The following CSMD1 variants were observed in gnomAD, a reference collection of about 807,000 sequenced individuals.
CSMD1 encodes CUB and Sushi multiple domains 1, also known as CUB and sushi domain-containing protein 1.
Under a neutral mutation model 417.5 loss-of-function variants are expected in CSMD1, and 213 were observed. The ratio of observed to expected loss-of-function variants is 0.51; its 90% CI spans 0.46 to 0.57. The LOEUF is 0.57. CSMD1 is among the 20% of genes least tolerant of loss of function. The pLI is 0.00. For missense variants in CSMD1, 6,923 were observed against 4,529.7 expected (o/e 1.53, Z -15.17); for synonymous variants, 2,862 against 1,736.8 (o/e 1.65, Z -16.11).
chr8:4,737,081 A>C (rs1185325022), intron 1 of CSMD1, among the ~76,000 whole-genome samples: 2 of 152,182 alleles, frequency 1.3e-5, no homozygotes, highest in African/African-American at 4.8e-5. Flanking sequence ...CATGTAATCA[A>C]CCTACATGCC....
Position 4,854,645 on chromosome 8 carries a change from G to A in CSMD1, c.85+139687C>T, listed in dbSNP as rs573703608. Among the ~76,000 whole-genome samples, 3 of 152,140 alleles carry A rather than the reference G, an allele frequency of 2.0e-5. No homozygotes were observed. In the South Asian group the frequency reaches 6.2e-4, roughly 31 times the overall value. Reference sequence around the variant, plus strand: ...AGTTCCCTTTCTGAGTCAAAGAAAGGGGTGACGGACAGCACCTGGAAAATC... The same window carrying A: ...AGTTCCCTTTCTGAGTCAAAGAAAGAGGTGACGGACAGCACCTGGAAAATC... On this transcript the variant is annotated intron_variant, in intron 1 of 69. Transcript: ENST00000635120.
At chr8:4,924,722 C>CAAAAAAAAAAAAAAAAAAAAAAAAAAAA (rs60827201) in intron 1 of CSMD1, among the ~76,000 whole-genome samples, 1 of 62,546 alleles carries the variant, frequency 1.6e-5, no homozygotes, top group Admixed American at 2.3e-4. Context: ...AACTCCATCT[C>CAAAAAAAAAAAAAAAAAAAAAAAAAAAA]AAAAAAAAAA....
At chr8:3,634,641 G>C (rs1796943016) in intron 7 of CSMD1, among the ~76,000 whole-genome samples, 1 of 152,078 alleles carries the variant, frequency 6.6e-6, no homozygotes, top group Non-Finnish European at 1.5e-5. Context: ...CTTAACTCGA[G>C]AGTGGTACTG....
chr8:4,787,072 G>C (rs1797437965), intron 1 of CSMD1, among the ~76,000 whole-genome samples: 1 of 152,178 alleles, frequency 6.6e-6, no homozygotes, highest in Admixed American at 6.5e-5. Flanking sequence ...TCTAATATTA[G>C]ATCTAATTAC....
chr8:4,291,515 C>A (rs180721875), intron 3 of CSMD1, among the ~76,000 whole-genome samples: 1 of 151,954 alleles, frequency 6.6e-6, no homozygotes, highest in Non-Finnish European at 1.5e-5. Context: ...CACTTGTTTT[C>A]GGAAAGTACA....
intron 1 of CSMD1, among the ~76,000 whole-genome samples, chr8:4,918,541 A>G (rs1000937414): frequency 1.3e-5 from 2 of 152,200 alleles, no homozygotes; most frequent in African/African-American, 2.4e-5. Context: ...GTGAAAAAAA[A>G]AGCCAATTTC....
chr8:3,927,472 C>T (rs964212766), intron 5 of CSMD1, among the ~76,000 whole-genome samples: 6 of 151,836 alleles, frequency 4.0e-5, no homozygotes, highest in African/African-American at 1.2e-4. Flanking sequence ...TGGGACCACC[C>T]TGGCCAACAT....
At chr8:4,600,195 C>T (rs1278870204) in intron 2 of CSMD1, among the ~76,000 whole-genome samples, 1 of 148,792 alleles carries the variant, frequency 6.7e-6, no homozygotes, top group East Asian at 2.0e-4. Flanking sequence ...ATGTCAAATA[C>T]ATTTCCATAT....
At chr8:4,174,001 C>A (rs529377237) in intron 3 of CSMD1, among the ~76,000 whole-genome samples, 13 of 152,226 alleles carry the variant, frequency 8.5e-5, no homozygotes, top group Admixed American at 7.8e-4. Context: ...TGTGACCATG[C>A]CTGGATCAAT....
At position 4,932,392 on chromosome 8, in the gene CSMD1, G is replaced by C. The variant is rs558295459; in HGVS notation, c.85+61940C>G. On this transcript the variant is annotated intron_variant, in intron 1 of 69. Coordinates refer to ENST00000635120, the MANE Select transcript of CSMD1 (RefSeq NM_033225.6). ...TCAGAAACTAGAATATCTACAGACA[G>C]AGTTTGTTCCTTCTGTGAGGTGAAG... Among the ~76,000 whole-genome samples the C allele has an allele frequency of 2.6e-5, 4 of 151,676 alleles. No homozygotes were observed. The East Asian group carries it at 7.8e-4, about 29-fold the overall frequency.
At chr8:4,477,573 A>C (rs868578470) in intron 2 of CSMD1, among the ~76,000 whole-genome samples, 2 of 152,200 alleles carry the variant, frequency 1.3e-5, no homozygotes, top group African/African-American at 4.8e-5. Flanking sequence ...CTTTTTTTAA[A>C]AATTGCGAGT....
At chr8:4,550,044 T>C (rs943616642) in intron 2 of CSMD1, among the ~76,000 whole-genome samples, 8 of 152,012 alleles carry the variant, frequency 5.3e-5, no homozygotes, top group Non-Finnish European at 1.0e-4. Flanking sequence ...GCAGCATTCC[T>C]TTTTGTCATC....
intron 10 of CSMD1, among the ~76,000 whole-genome samples, chr8:3,527,614 G>C (rs1017778432): frequency 2.0e-5 from 3 of 152,032 alleles, no homozygotes; most frequent in Non-Finnish European, 4.4e-5. Context: ...GGGCATCTAA[G>C]AGTCCATGAA....
chr8:4,754,006 G>A (rs1341053262), intron 1 of CSMD1, among the ~76,000 whole-genome samples: 1 of 152,130 alleles, frequency 6.6e-6, no homozygotes, highest in African/African-American at 2.4e-5. Context: ...AGTCTGCCCA[G>A]CTAAAGATTC....
intron 42 of CSMD1, among the ~76,000 whole-genome samples, chr8:3,115,903 G>A (rs1816835232): frequency 6.6e-6 from 1 of 152,100 alleles, no homozygotes; most frequent in South Asian, 2.1e-4. Flanking sequence ...CTTTGAAGAT[G>A]GTTTTTCAGT....
chr8:3,876,758 G>C (rs992513380), intron 5 of CSMD1, among the ~76,000 whole-genome samples: 1 of 152,068 alleles, frequency 6.6e-6, no homozygotes, highest in African/African-American at 2.4e-5. Flanking sequence ...CACAGGCATA[G>C]GCCACCAGGC....
At chr8:4,810,631 A>C (rs1198977894) in intron 1 of CSMD1, among the ~76,000 whole-genome samples, 1 of 152,218 alleles carries the variant, frequency 6.6e-6, no homozygotes, top group Admixed American at 6.5e-5. Flanking sequence ...GAAAATATGC[A>C]GATAATATGA....
At chr8:3,599,082 A>G (rs1019259820) in intron 8 of CSMD1, among the ~76,000 whole-genome samples, 47 of 152,086 alleles carry the variant, frequency 3.1e-4, no homozygotes, top group African/African-American at 1.1e-3. Context: ...CTCCGTCTCA[A>G]AAAAGAAAAG....
intron 4 of CSMD1, among the ~76,000 whole-genome samples, chr8:3,999,411 A>G (rs1308732304): frequency 6.6e-6 from 1 of 152,150 alleles, no homozygotes; most frequent in African/African-American, 2.4e-5. Context: ...AACTCTTCCC[A>G]AGTTGCAAGT....
Sources: gnomAD v4.1 joint callset for allele counts (sites outside exome capture counted in the v4.1 genomes callset) on GRCh38, gnomAD v4.1.1 for gene constraint, MANE v1.5 for transcripts, NCBI Gene and HGNC (gene_info 2026-07-23, HGNC 2026-07-21) for gene names.